ADD1: variants seen among roughly 807,000 people sequenced by gnomAD.
ADD1 encodes adducin 1, also known as alpha-adducin.
ADD1 carries 24 observed loss-of-function variants against 80.5 expected under a neutral mutation model. That is an observed-to-expected ratio of 0.30 (90% CI 0.22 to 0.42). The LOEUF is 0.42. ADD1 is among the 10% of genes least tolerant of loss of function. ADD1 has a pLI of 1.00. For missense variants in ADD1, 948 were observed against 1,019.0 expected, an observed-to-expected ratio of 0.93 and a Z score of 0.95; for synonymous variants, 373 against 393.8, an observed-to-expected ratio of 0.95 and a Z score of 0.63.
chr4:2,881,978 G>C lies in ADD1; in HGVS notation c.276G>C (p.Gln92His). The C allele has an allele frequency of 6.2e-7, 1 of 1,613,296 alleles. No homozygotes were observed. The highest frequency in any genetic ancestry group is 8.5e-7 in the Non-Finnish European group (1 of 1,179,808). Residue 92 changes from glutamine to histidine, a missense_variant, in exon 3 of 16, where the codon CAG becomes CAC. Transcript: ENST00000683351. Reference sequence around the variant, plus strand: ...ACCCCACAGGCCTATTGGCATTACAGCAGATTGCAGATTTTATGACCACGA... The same window carrying C: ...ACCCCACAGGCCTATTGGCATTACACCAGATTGCAGATTTTATGACCACGA... ...GKNPTGLLAL[Q>H]QIADFMTTNV...
At chr4:2,864,755 A>G (rs1729300450) in intron 1 of ADD1, among the ~76,000 whole-genome samples, 1 of 151,330 alleles carries the variant, frequency 6.6e-6, no homozygotes, top group African/African-American at 2.4e-5. Flanking sequence ...TGATGTCAGC[A>G]GGGAAGGGGG....
intron 4 of ADD1, among the ~76,000 whole-genome samples, chr4:2,893,409 T>C (rs946276890): frequency 6.6e-6 from 1 of 152,124 alleles, no homozygotes; most frequent in African/African-American, 2.4e-5. Context: ...CCAGGAGTTT[T>C]TGAGACCAGC....
intron 1 of ADD1, among the ~76,000 whole-genome samples, chr4:2,845,220 G>A (rs1172824929): frequency 1.3e-5 from 2 of 151,994 alleles, no homozygotes; most frequent in African/African-American, 2.4e-5. Context: ...CTACAGGCGC[G>A]CGCCACCACG....
At chr4:2,910,068 G>A (rs1334556407) in intron 13 of ADD1, among the ~76,000 whole-genome samples, 3 of 145,916 alleles carry the variant, frequency 2.1e-5, no homozygotes, top group Non-Finnish European at 4.5e-5. Context: ...CTCTGTGTGC[G>A]GGCATCTAGT....
At chr4:2,879,196 G>C (rs1731828144) in intron 2 of ADD1, among the ~76,000 whole-genome samples, 1 of 152,158 alleles carries the variant, frequency 6.6e-6, no homozygotes, top group African/African-American at 2.4e-5. Flanking sequence ...CAGCTGGCTG[G>C]AGCCAAACGT....
At chr4:2,884,778 G>A (rs532064677) in intron 4 of ADD1, 112 bp downstream of exon 4, 1 of 1,263,786 alleles carries the variant, frequency 7.9e-7, no homozygotes, top group African/African-American at 1.5e-5. Flanking sequence ...GTAAGTCTTG[G>A]AATACCTCTT....
chr4:2,886,487 G>A (rs1035355659), intron 4 of ADD1, among the ~76,000 whole-genome samples: 13 of 152,134 alleles, frequency 8.5e-5, no homozygotes, highest in Non-Finnish European at 1.3e-4. Flanking sequence ...GTCACTCTGT[G>A]TAGAATGTCA....
At chr4:2,874,317 G>A (rs1465001569) in intron 1 of ADD1, among the ~76,000 whole-genome samples, 3 of 151,968 alleles carry the variant, frequency 2.0e-5, no homozygotes, top group East Asian at 3.9e-4. Context: ...TTAAGTTCTC[G>A]AAGTAGTGGC....
intron 1 of ADD1, among the ~76,000 whole-genome samples, chr4:2,869,469 C>CA (rs1730080122): frequency 6.6e-6 from 1 of 152,160 alleles, no homozygotes; most frequent in Non-Finnish European, 1.5e-5. Flanking sequence ...TTGTGGACCC[C>CA]ATCTTAACTA....
intron 8 of ADD1, 22 bp from the exon 9 acceptor site, chr4:2,899,237 T>C: frequency 6.3e-7 from 1 of 1,595,444 alleles, no homozygotes; most frequent in Non-Finnish European, 8.6e-7. Flanking sequence ...ACTCAAGCCA[T>C]GCTGTGTGTG....
intron 1 of ADD1, among the ~76,000 whole-genome samples, chr4:2,845,127 C>G (rs1053855009): frequency 1.3e-5 from 2 of 151,986 alleles, no homozygotes; most frequent in Admixed American, 6.6e-5. Context: ...GGCTGGAGTA[C>G]AGTGGCGCGA....
intron 1 of ADD1, among the ~76,000 whole-genome samples, chr4:2,848,659 G>A (rs1478050126): frequency 1.3e-5 from 2 of 151,210 alleles, no homozygotes; most frequent in Admixed American, 6.6e-5. Flanking sequence ...TTGAGATAAG[G>A]TTTCAAAAGC....
intron 14 of ADD1, among the ~76,000 whole-genome samples, chr4:2,923,401 G>A (rs1213676300): frequency 6.6e-6 from 1 of 152,212 alleles, no homozygotes; most frequent in Admixed American, 6.5e-5. Flanking sequence ...GGAGTTCCCC[G>A]ACTCCTTGCA....
At position 2,926,795 on chromosome 4, in the gene ADD1, C is replaced by CT. The variant is rs1711777015; in HGVS notation, c.2047+689dup. 3.4e-6 allele frequency: 4 copies of CT among 1,172,984 alleles called. No homozygotes were observed. In the African/African-American group the frequency reaches 4.6e-5, roughly 14 times the overall value. 72.7% of individuals were successfully genotyped at this position (1,172,984 alleles called of 1,614,324 possible). On this transcript the variant is annotated intron_variant, in intron 15 of 15. Coordinates refer to ENST00000683351, the MANE Select transcript of ADD1 (RefSeq NM_001354761.2). The surrounding 1 kb of genome is among the most constrained non-coding windows in gnomAD (Gnocchi z 5.0). Reference sequence around the variant, plus strand: ...ATTTAAAATAAAAACAGAAGCCCCCCTTTTTTGTACCCAGTCCCTTGGAGG... The same window carrying CT: ...ATTTAAAATAAAAACAGAAGCCCCCCTTTTTTTGTACCCAGTCCCTTGGAGG...
chr4:2,916,540 T>A (rs970574154), intron 14 of ADD1, among the ~76,000 whole-genome samples: 10 of 152,276 alleles, frequency 6.6e-5, no homozygotes, highest in South Asian at 6.2e-4. Context: ...CTCTTTTTTT[T>A]AAATTAATTA....
At chr4:2,861,397 T>C (rs962498432) in intron 1 of ADD1, among the ~76,000 whole-genome samples, 1 of 152,218 alleles carries the variant, frequency 6.6e-6, no homozygotes, top group African/African-American at 2.4e-5. Flanking sequence ...CATTTAAATA[T>C]ATTAATACCT....
intron 1 of ADD1, among the ~76,000 whole-genome samples, chr4:2,852,219 T>TTCCTTTCTTTCCTTTCTC: frequency 7.4e-6 from 1 of 135,818 alleles, no homozygotes; most frequent in Non-Finnish European, 1.6e-5. Flanking sequence ...TTTCCTTTCT[T>TTCCTTTCTTTCCTTTCTC]TCCTTTCTTT....
intron 13 of ADD1, among the ~76,000 whole-genome samples, chr4:2,912,236 C>G (rs1413060615): frequency 2.0e-5 from 3 of 152,196 alleles, no homozygotes; most frequent in African/African-American, 7.2e-5. Flanking sequence ...CTAGGCACAT[C>G]TTGGTTTCTT....
rs187008812 is a variant in ADD1 at position 2,889,796 on chromosome 4, T to C, written c.511-4217T>C. ...GAGATTGTGCCACTGCACTCCAGCC[T>C]GGGTGGCAGAGTGAGACCCTGTCTC... On this transcript the variant is annotated intron_variant, in intron 4 of 15. Coordinates refer to ENST00000683351, the MANE Select transcript of ADD1 (RefSeq NM_001354761.2). 1.1e-3 allele frequency among the ~76,000 whole-genome samples: 167 copies of C among 152,148 alleles called. 1 individual carries two copies. Among genetic ancestry groups the C allele is most frequent in the Admixed American group, 3.6e-3 (55 of 15,282 alleles).
Sources: gnomAD v4.1 joint callset for allele counts (sites outside exome capture counted in the v4.1 genomes callset) on GRCh38, gnomAD v4.1.1 for gene constraint, Gnocchi (gnomAD v3.1) non-coding constraint, MANE v1.5 for transcripts, NCBI Gene and HGNC (gene_info 2026-07-23, HGNC 2026-07-21) for gene names.